Variants in ANKRD28 observed in about 807,000 individuals in gnomAD.
ANKRD28 encodes serine/threonine-protein phosphatase 6 regulatory ankyrin repeat subunit A.
Under a neutral mutation model 126.5 loss-of-function variants are expected in ANKRD28, and 44 were observed. The observed-to-expected ratio is 0.35, with a 90% CI of 0.27 to 0.45. The LOEUF (loss-of-function observed/expected upper bound fraction) is 0.45. ANKRD28 is among the 20% of genes least tolerant of loss of function. The pLI, the probability that ANKRD28 is intolerant of heterozygous loss-of-function variation, is 1.00. For synonymous variants in ANKRD28, 442 were observed against 468.5 expected (o/e 0.94, Z 0.73); for missense variants, 1,110 against 1,316.6 (o/e 0.84, Z 2.43).
rs972440273 is a variant in ANKRD28 at position 15,843,044 on chromosome 3, T to C, written c.27+16333A>G. Among the ~76,000 whole-genome samples, 1 of 152,174 alleles carries C rather than the reference T, an allele frequency of 6.6e-6. No individual in the cohort carries two copies. Among genetic ancestry groups the C allele is most frequent in the Non-Finnish European group, 1.5e-5 (1 of 68,040 alleles). On this transcript the variant is annotated intron_variant, in intron 1 of 27. Transcript: ENST00000399451. This position sits in a 1 kb window ranked among gnomAD's most constrained non-coding sequence, Gnocchi z 5.2. The stretch of plus-strand genomic sequence containing the variant: ...GAAATATCCAAGACTGGGTAATTTA[T>C]AAGAAAAGAGGTTTAACTGGCTCAT...
chr3:15,697,101 A>G (rs1056464511), intron 14 of ANKRD28, among the ~76,000 whole-genome samples: 2 of 152,226 alleles, frequency 1.3e-5, no homozygotes, highest in Non-Finnish European at 2.9e-5. Flanking sequence ...ACCATGGAAT[A>G]CTATTCAGAC....
intron 3 of ANKRD28, among the ~76,000 whole-genome samples, chr3:15,764,297 T>C (rs1040289569): frequency 2.6e-5 from 4 of 152,220 alleles, no homozygotes; most frequent in African/African-American, 7.2e-5. Flanking sequence ...ATTTTACACA[T>C]GATTTGTACT....
At chr3:15,725,333 T>A (rs1021839316) in intron 6 of ANKRD28, among the ~76,000 whole-genome samples, 17 of 152,226 alleles carry the variant, frequency 1.1e-4, no homozygotes, top group African/African-American at 4.1e-4. Flanking sequence ...GGGACAACTA[T>A]AATTCCTTTG....
chr3:15,672,940 T>C lies in ANKRD28; in HGVS notation c.2966-2384A>G, dbSNP rs2066531108. ...ACAGGCACATGCCACCACACCTGGCTAATTTTTGTATTTTTAGTAGAGACG... is the reference window on the plus strand; with the variant it reads ...ACAGGCACATGCCACCACACCTGGCCAATTTTTGTATTTTTAGTAGAGACG... On this transcript the variant is annotated intron_variant, in intron 27 of 27. Coordinates refer to ENST00000683139, the MANE Select transcript of ANKRD28 (RefSeq NM_001349278.2). Among the ~76,000 whole-genome samples the C allele has an allele frequency of 2.0e-5, 3 of 152,210 alleles. No individual in the cohort carries two copies. In the South Asian group the frequency reaches 6.2e-4, roughly 32 times the overall value.
intron 2 of ANKRD28, among the ~76,000 whole-genome samples, chr3:15,793,406 AT>A (rs2060122530): frequency 6.6e-6 from 1 of 152,212 alleles, no homozygotes. Context: ...ACTGAAGACA[AT>A]TGTCAAAGAG....
chr3:15,671,480 C>T lies in ANKRD28; in HGVS notation c.2966-924G>A, dbSNP rs77777297. On this transcript the variant is annotated intron_variant, in intron 27 of 27. Coordinates refer to ENST00000683139, the MANE Select transcript of ANKRD28 (RefSeq NM_001349278.2). ...CCAGAAGCCTCCATATATCCTCTAC[C>T]CAGTCGTTACACCTTTCTTCTTCCA... 5.5e-3 allele frequency among the ~76,000 whole-genome samples: 831 copies of T among 152,276 alleles called. 7 individuals carry two copies. Among genetic ancestry groups the T allele is most frequent in the South Asian group, 0.018 (89 of 4,828 alleles).
chr3:15,764,132 G>A (rs1433770811), intron 3 of ANKRD28, among the ~76,000 whole-genome samples: 1 of 152,190 alleles, frequency 6.6e-6, no homozygotes, highest in East Asian at 1.9e-4. Flanking sequence ...GGCTGAGGCA[G>A]GTGAATCGCT....
chr3:15,708,456 CAGA>C (rs1434944113), intron 13 of ANKRD28, among the ~76,000 whole-genome samples: 4 of 151,794 alleles, frequency 2.6e-5, no homozygotes, highest in South Asian at 2.1e-4. Context: ...ATTCATGTCT[CAGA>C]AGAAGAACAA....
intron 3 of ANKRD28, among the ~76,000 whole-genome samples, chr3:15,765,480 A>C (rs1559494737): frequency 6.6e-6 from 1 of 152,038 alleles, no homozygotes; most frequent in Non-Finnish European, 1.5e-5. Context: ...CGTTACCTCC[A>C]CCTAGGAGAA....
intron 6 of ANKRD28, among the ~76,000 whole-genome samples, chr3:15,730,603 C>T (rs2074509436): frequency 6.6e-6 from 1 of 152,186 alleles, no homozygotes; most frequent in Non-Finnish European, 1.5e-5. Context: ...GAGAGGTGAC[C>T]AGTCAATAGC....
intron 1 of ANKRD28, among the ~76,000 whole-genome samples, chr3:15,805,315 G>C (rs2060554545): frequency 6.6e-6 from 1 of 152,030 alleles, no homozygotes; most frequent in Non-Finnish European, 1.5e-5. Flanking sequence ...TTAAAAGTTA[G>C]GTTATTTTCT....
At chr3:15,759,279 T>C (rs1425664580) in intron 3 of ANKRD28, among the ~76,000 whole-genome samples, 1 of 152,142 alleles carries the variant, frequency 6.6e-6, no homozygotes, top group Non-Finnish European at 1.5e-5. Flanking sequence ...TATAAAAACT[T>C]TGAAAGTTTA....
Position 15,764,964 on chromosome 3 carries a change from A to G in ANKRD28, c.280+1270T>C, listed in dbSNP as rs554336270. Among the ~76,000 whole-genome samples, 550 of 151,794 alleles carry G rather than the reference A, an allele frequency of 3.6e-3. 7 individuals are homozygous for G. The highest frequency in any genetic ancestry group is 0.013 in the African/African-American group (531 of 41,070). ...CCAACTGATTCTTAAATTTTTATGA[A>G]TTTGTAACGGCAAAACTCTGGGCTA... is the stretch of plus-strand genomic sequence containing the variant. On this transcript the variant is annotated intron_variant, in intron 3 of 27. Coordinates refer to ENST00000683139, the MANE Select transcript of ANKRD28 (RefSeq NM_001349278.2).
Position 15,797,824 on chromosome 3 carries a change from AT to A in ANKRD28, c.-1304del, listed in dbSNP as rs1372181629. 34 of 985,302 alleles carry A rather than the reference AT, an allele frequency of 3.5e-5. No individual in the cohort carries two copies. The highest frequency in any genetic ancestry group is 4.0e-5 in the Non-Finnish European group (33 of 829,934). 61.0% of individuals were successfully genotyped at this position (985,302 alleles called of 1,614,324 possible). On this transcript the variant is annotated 5_prime_UTR_variant, in exon 1 of 28. The change abolishes an upstream ATG in the 5' untranslated region. Coordinates refer to ENST00000683139, the MANE Select transcript of ANKRD28 (RefSeq NM_001349278.2). ...GATGATCTTGCAAAACACCACTGAC[AT>A]CCCCAAATGAGTAGGTCCTTAAAAA...
chr3:15,825,720 C>G (rs531967759), intron 1 of ANKRD28, among the ~76,000 whole-genome samples: 1 of 151,842 alleles, frequency 6.6e-6, no homozygotes, highest in Admixed American at 6.6e-5. Context: ...ATAACAAAAC[C>G]AATAAAAGAT....
chr3:15,775,369 T>C (rs1435366106), intron 2 of ANKRD28, among the ~76,000 whole-genome samples: 2 of 152,128 alleles, frequency 1.3e-5, no homozygotes, highest in Non-Finnish European at 2.9e-5. Flanking sequence ...TGTGTGGAGG[T>C]TGTTTCCTCA....
rs1014651640 is a variant in ANKRD28 at position 15,854,968 on chromosome 3, G to C, written c.27+4409C>G. 6.6e-6 allele frequency among the ~76,000 whole-genome samples: 1 copy of C among 152,136 alleles called. No individual in the cohort carries two copies. The highest frequency in any genetic ancestry group is 2.4e-5 in the African/African-American group (1 of 41,412). ...GGAGGCTGAGGCAGGAGAATTGCTT[G>C]AACTAGGGAGGCAGAGGTTGCAATG... is the stretch of plus-strand genomic sequence containing the variant. On this transcript the variant is annotated intron_variant, in intron 1 of 27. Transcript: ENST00000399451. The surrounding 1 kb of genome is among the most constrained non-coding windows in gnomAD (Gnocchi z 4.1).
At chr3:15,798,239 T>C (rs891783969), upstream of ANKRD28, 10 of 865,266 alleles carry the variant, frequency 1.2e-5, no homozygotes, top group African/African-American at 1.8e-4. Context: ...TGTGTTACAA[T>C]AAAGCAAATG....
upstream of ANKRD28, among the ~76,000 whole-genome samples, chr3:15,802,748 G>A (rs1276174625): frequency 2.0e-5 from 3 of 152,126 alleles, no homozygotes; most frequent in Non-Finnish European, 4.4e-5. Context: ...CCATTTTGGT[G>A]GGTACTGTTA....
Sources: allele counts gnomAD v4.1 joint callset (sites outside exome capture counted in the v4.1 genomes callset), GRCh38; gene constraint gnomAD v4.1.1; non-coding constraint Gnocchi (gnomAD v3.1); transcripts MANE v1.5; gene names NCBI Gene and HGNC (gene_info 2026-07-23, HGNC 2026-07-21).